FAM117B: variants seen among roughly 807,000 people sequenced by gnomAD.
FAM117B encodes the protein protein FAM117B.
In FAM117B, 22 loss-of-function variants were observed where a neutral mutation model predicts 52.8. The ratio of observed to expected loss-of-function variants is 0.42; its 90% CI spans 0.30 to 0.59. The LOEUF is 0.59. FAM117B is among the 20% of genes least tolerant of loss of function. The pLI, the probability that FAM117B is intolerant of heterozygous loss-of-function variation, is 0.22. For synonymous variants in FAM117B, 309 were observed against 324.1 expected (o/e 0.95, Z 0.50); for missense variants, 678 against 802.6 (o/e 0.84, Z 1.88).
intron 1 of FAM117B, among the ~76,000 whole-genome samples, chr2:202,645,045 A>G (rs1689838942): frequency 6.6e-6 from 1 of 151,938 alleles, no homozygotes; most frequent in Non-Finnish European, 1.5e-5. Context: ...GTTGTGGTAT[A>G]TCTTGGAGCA....
At chr2:202,731,347 ATATATAT>A (rs1420249058) in intron 4 of FAM117B, among the ~76,000 whole-genome samples, 2 of 127,462 alleles carry the variant, frequency 1.6e-5, no homozygotes, top group East Asian at 5.1e-4. Context: ...ATATATATAT[ATATATAT>A]ATATATATAT....
intron 7 of FAM117B, among the ~76,000 whole-genome samples, chr2:202,761,725 C>A (rs1284684460): frequency 1.3e-5 from 2 of 151,964 alleles, no homozygotes; most frequent in Non-Finnish European, 2.9e-5. Flanking sequence ...TGGGGTTTTA[C>A]CATATTGGCC....
At chr2:202,744,435 A>G (rs912208795) in intron 4 of FAM117B, among the ~76,000 whole-genome samples, 6 of 152,174 alleles carry the variant, frequency 3.9e-5, no homozygotes, top group African/African-American at 1.4e-4. Flanking sequence ...TAATCTATTC[A>G]TGAGAAATCT....
At chr2:202,662,119 GGTGTGT>G (rs35842700) in intron 1 of FAM117B, among the ~76,000 whole-genome samples, 6 of 149,686 alleles carry the variant, frequency 4.0e-5, no homozygotes, top group East Asian at 2.0e-4. Context: ...ATGTGAGGTA[GGTGTGT>G]GTGTGTGTGT....
intron 1 of FAM117B, among the ~76,000 whole-genome samples, chr2:202,695,017 A>G (rs912442360): frequency 1.3e-5 from 2 of 152,150 alleles, no homozygotes; most frequent in Admixed American, 6.5e-5. Context: ...TTTCCCTGAA[A>G]TGTATCGAAC....
At chr2:202,669,853 C>G (rs542262375) in intron 1 of FAM117B, among the ~76,000 whole-genome samples, 1 of 152,232 alleles carries the variant, frequency 6.6e-6, no homozygotes, top group Non-Finnish European at 1.5e-5. Flanking sequence ...TTTCTAGACT[C>G]TTGATTGCAA....
chr2:202,744,962 G>A (rs1245517876), intron 4 of FAM117B, among the ~76,000 whole-genome samples: 2 of 123,248 alleles, frequency 1.6e-5, no homozygotes, highest in Non-Finnish European at 3.3e-5. Context: ...GGGTGATAGA[G>A]TGAGACTCTG....
At chr2:202,725,221 C>CT (rs1408913132) in intron 3 of FAM117B, 2 of 325,634 alleles carry the variant, frequency 6.1e-6, no homozygotes, top group African/African-American at 2.2e-5. Context: ...GTATGTTTGT[C>CT]TTTTTTTAGG....
Position 202,637,116 on chromosome 2 carries a change from C to T in FAM117B, c.601+1328C>T, listed in dbSNP as rs188435644. ...TTCACCATGTTGGCCAGGCTGGTCT[C>T]GAACTCCTGACCTCAGGTGAAACGC... On this transcript the variant is annotated intron_variant, in intron 1 of 7. Transcript: ENST00000392238. Among the ~76,000 whole-genome samples the T allele has an allele frequency of 4.0e-5, 6 of 151,178 alleles. No homozygotes were observed. The South Asian group carries it at 8.4e-4, about 21-fold the overall frequency.
chr2:202,731,095 A>G (rs1691337456), intron 4 of FAM117B, among the ~76,000 whole-genome samples: 1 of 151,758 alleles, frequency 6.6e-6, no homozygotes, highest in African/African-American at 2.4e-5. Flanking sequence ...TACGTAAACA[A>G]CTCTTGCAAC....
In FAM117B at chr2:202,716,260, C is replaced by T. The variant is rs928551124; in HGVS notation, c.754-8657C>T. Among the ~76,000 whole-genome samples the T allele has an allele frequency of 4.6e-5, 7 of 151,264 alleles. No individual in the cohort carries two copies. In the East Asian group the frequency reaches 9.7e-4, roughly 21 times the overall value. ...CTTTTTCCATCCCTTTTTTTTTCAGCGTATATAGTTTTTCATAAATGAAAT... is the reference window on the plus strand; with the variant it reads ...CTTTTTCCATCCCTTTTTTTTTCAGTGTATATAGTTTTTCATAAATGAAAT... On this transcript the variant is annotated intron_variant, in intron 2 of 7. Transcript: ENST00000392238.
At chr2:202,714,966 C>T (rs1431833820) in intron 2 of FAM117B, among the ~76,000 whole-genome samples, 1 of 152,226 alleles carries the variant, frequency 6.6e-6, no homozygotes, top group Non-Finnish European at 1.5e-5. Flanking sequence ...TCCGATTTCT[C>T]AGTCTTTTCC....
At chr2:202,652,245 C>A (rs1452504831) in intron 1 of FAM117B, among the ~76,000 whole-genome samples, 1 of 152,118 alleles carries the variant, frequency 6.6e-6, no homozygotes, top group East Asian at 1.9e-4. Context: ...ACCACAGGTG[C>A]ATGCCACCTT....
rs1266623970 is a variant in FAM117B, at chr2:202,767,487, T to C, written c.*1723T>C. On this transcript the variant is annotated 3_prime_UTR_variant, in exon 8 of 8. Coordinates refer to ENST00000392238, the MANE Select transcript of FAM117B (RefSeq NM_173511.4). ...GAGCAGCTCTTTTTTTAAAAGTGAG[T>C]TTCAGCAAACAGTATTGAATAAAAG... 6.6e-6 allele frequency: 1 copy of C among 152,058 alleles called. No individual in the cohort carries two copies. The highest frequency in any genetic ancestry group is 1.5e-5 in the Non-Finnish European group (1 of 68,024). 9.4% of individuals were successfully genotyped at this position (152,058 alleles called of 1,614,324 possible).
intron 2 of FAM117B, among the ~76,000 whole-genome samples, chr2:202,702,477 A>T (rs1268396626): frequency 6.6e-6 from 1 of 152,240 alleles, no homozygotes; most frequent in Non-Finnish European, 1.5e-5. Context: ...CATCACCCTG[A>T]TCAGTCAGCA....
chr2:202,659,311 G>T (rs1332816595), intron 1 of FAM117B, among the ~76,000 whole-genome samples: 1 of 150,132 alleles, frequency 6.7e-6, no homozygotes, highest in African/African-American at 2.4e-5. Flanking sequence ...TGGCCTTTTT[G>T]GTTTTTTGTT....
chr2:202,752,950 A>T (rs970450493), intron 4 of FAM117B, among the ~76,000 whole-genome samples: 4 of 152,258 alleles, frequency 2.6e-5, no homozygotes, highest in African/African-American at 4.8e-5. Context: ...GCCCAAAGTA[A>T]TTTATAGATT....
chr2:202,636,491 T>C (rs1244215735), intron 1 of FAM117B, among the ~76,000 whole-genome samples: 2 of 152,228 alleles, frequency 1.3e-5, no homozygotes, highest in East Asian at 1.9e-4. Context: ...CATCTTGTTA[T>C]TGTTTTAGGG....
chr2:202,647,400 A>T (rs1412169909), intron 1 of FAM117B, among the ~76,000 whole-genome samples: 1 of 152,196 alleles, frequency 6.6e-6, no homozygotes, highest in Non-Finnish European at 1.5e-5. Context: ...ACTGAAAAAA[A>T]CAGTTTATTT....
Sources: allele counts gnomAD v4.1 joint callset (sites outside exome capture counted in the v4.1 genomes callset), GRCh38; gene constraint gnomAD v4.1.1; transcripts MANE v1.5; gene names NCBI Gene and HGNC (gene_info 2026-07-23, HGNC 2026-07-21).